Variants in LRRC4C observed in about 807,000 individuals in gnomAD.
LRRC4C encodes leucine-rich repeat-containing protein 4C.
A neutral mutation model predicts 33.6 loss-of-function variants in LRRC4C; 5 were observed. The observed-to-expected ratio is 0.15, with a 90% CI of 0.08 to 0.31. The LOEUF is 0.31. LRRC4C is among the 10% of genes least tolerant of loss of function. The pLI is 1.00. For synonymous variants in LRRC4C, 329 were observed against 302.0 expected, an observed-to-expected ratio of 1.09 and a Z score of -0.93; for missense variants, 560 against 796.7, an observed-to-expected ratio of 0.70 and a Z score of 3.58.
intron 3 of LRRC4C, among the ~76,000 whole-genome samples, chr11:40,399,932 A>G (rs1949697464): frequency 1.3e-5 from 2 of 152,100 alleles, no homozygotes; most frequent in Admixed American, 1.3e-4. Flanking sequence ...CAGAGCAAAG[A>G]CATTTTAGAT....
In LRRC4C at chr11:40,717,166, C is replaced by T. The variant is rs188862900; in HGVS notation, c.-406-68888G>A. On this transcript the variant is annotated intron_variant, in intron 2 of 6. Coordinates refer to ENST00000528697, the MANE Select transcript of LRRC4C (RefSeq NM_001258419.2). The stretch of plus-strand genomic sequence containing the variant: ...TCAGGCATGGGATATTTGGTGAGGG[C>T]AAATTCCGTTTATTTGTCTTTCTGA... Among the ~76,000 whole-genome samples the T allele has an allele frequency of 2.0e-3, 302 of 152,132 alleles. 2 individuals carry two copies. The highest frequency in any genetic ancestry group is 7.0e-3 in the African/African-American group (289 of 41,518).
chr11:40,369,729 T>G (rs1280290441), intron 3 of LRRC4C, among the ~76,000 whole-genome samples: 1 of 152,234 alleles, frequency 6.6e-6, no homozygotes, highest in Non-Finnish European at 1.5e-5. Flanking sequence ...TTTTGAAACA[T>G]GTATACATTG....
intron 1 of LRRC4C, among the ~76,000 whole-genome samples, chr11:41,054,409 G>T (rs956271714): frequency 6.6e-6 from 1 of 152,124 alleles, no homozygotes; most frequent in African/African-American, 2.4e-5. Flanking sequence ...TTCTGATAAG[G>T]GAATTCTCAG....
At chr11:40,285,639 T>C (rs1182951980) in intron 4 of LRRC4C, among the ~76,000 whole-genome samples, 1 of 152,178 alleles carries the variant, frequency 6.6e-6, no homozygotes, top group Non-Finnish European at 1.5e-5. Context: ...CTTAAGGGCA[T>C]ACTTGGAAAT....
At chr11:40,417,925 T>C (rs1950386815) in intron 3 of LRRC4C, among the ~76,000 whole-genome samples, 1 of 152,170 alleles carries the variant, frequency 6.6e-6, no homozygotes, top group Admixed American at 6.5e-5. Context: ...GCAGAGCCAA[T>C]GTTGTTGTAA....
chr11:40,788,311 TTCC>T (rs1337392724), intron 2 of LRRC4C, among the ~76,000 whole-genome samples: 1 of 152,138 alleles, frequency 6.6e-6, no homozygotes, highest in Non-Finnish European at 1.5e-5. Flanking sequence ...TTTTTTTTTC[TTCC>T]TCCTCCTTTC....
At chr11:40,980,575 A>G (rs1261130320) in intron 1 of LRRC4C, among the ~76,000 whole-genome samples, 3 of 152,192 alleles carry the variant, frequency 2.0e-5, no homozygotes, top group Non-Finnish European at 4.4e-5. Flanking sequence ...AAGACAAAAA[A>G]AAAGTCTAAG....
intron 2 of LRRC4C, among the ~76,000 whole-genome samples, chr11:40,845,383 C>T (rs1177825761): frequency 6.6e-6 from 1 of 152,168 alleles, no homozygotes; most frequent in Admixed American, 6.5e-5. Flanking sequence ...TCAACTCCCA[C>T]TTATGAGCGA....
At chr11:40,180,397 G>A (rs4564322) in intron 5 of LRRC4C, among the ~76,000 whole-genome samples, 50,499 of 152,076 alleles carry the variant, frequency 0.33, 8,628 homozygotes, top group South Asian at 0.47. Context: ...TGCATATTTT[G>A]CAAAACCCCT....
At chr11:41,266,377 TC>T (rs1222132043) in intron 1 of LRRC4C, among the ~76,000 whole-genome samples, 1 of 152,108 alleles carries the variant, frequency 6.6e-6, no homozygotes. Context: ...TGGCTTTCTT[TC>T]AGTTTGATAG....
intron 2 of LRRC4C, among the ~76,000 whole-genome samples, chr11:40,850,883 T>A (rs1953452546): frequency 6.6e-6 from 1 of 152,190 alleles, no homozygotes; most frequent in Admixed American, 6.5e-5. Flanking sequence ...GGAGCAGTGG[T>A]GGGCTCCGCC....
rs1366792404 is a variant in LRRC4C, at chr11:40,987,664, G to C, written c.-495-53941C>G. On this transcript the variant is annotated intron_variant, in intron 1 of 6. Transcript: ENST00000528697. ...ATATATATATATATCTCATATATAT[G>C]AGATATAAATGATATATATATATAT... 7.1e-3 allele frequency among the ~76,000 whole-genome samples: 459 copies of C among 64,730 alleles called. 12 individuals are homozygous for C. The highest frequency in any genetic ancestry group is 0.011 in the Non-Finnish European group (321 of 30,352). 42.5% of individuals were successfully genotyped at this position (64,730 alleles called of 152,430 possible).
chr11:41,423,018 T>A (rs1954924735), intron 1 of LRRC4C, among the ~76,000 whole-genome samples: 1 of 152,126 alleles, frequency 6.6e-6, no homozygotes, highest in Non-Finnish European at 1.5e-5. Context: ...TGCTAAATTC[T>A]AGAGATGCAA....
At chr11:41,365,381 AT>A (rs1952498856) in intron 1 of LRRC4C, among the ~76,000 whole-genome samples, 1 of 152,048 alleles carries the variant, frequency 6.6e-6, no homozygotes, top group Non-Finnish European at 1.5e-5. Flanking sequence ...GTTGCAAATT[AT>A]TTCATTATAT....
At chr11:40,634,499 G>A (rs866492570) in intron 3 of LRRC4C, among the ~76,000 whole-genome samples, 5 of 152,040 alleles carry the variant, frequency 3.3e-5, no homozygotes, top group South Asian at 2.1e-4. Flanking sequence ...AGCGTCACAC[G>A]TGCAGTAAAA....
intron 3 of LRRC4C, among the ~76,000 whole-genome samples, chr11:40,621,297 T>C (rs1447882820): frequency 6.6e-6 from 1 of 151,640 alleles, no homozygotes; most frequent in African/African-American, 2.4e-5. Context: ...GGACATAAAG[T>C]CTACTTGTTT....
chr11:40,212,659 C>T (rs1863689121), intron 5 of LRRC4C, among the ~76,000 whole-genome samples: 2 of 152,038 alleles, frequency 1.3e-5, no homozygotes, highest in South Asian at 4.1e-4. Context: ...AAGCTCTTTA[C>T]CTATATTAAA....
chr11:41,172,517 T>A (rs942952921), intron 1 of LRRC4C, among the ~76,000 whole-genome samples: 2 of 152,150 alleles, frequency 1.3e-5, no homozygotes, highest in African/African-American at 4.8e-5. Context: ...GCCTAGCACA[T>A]CTATCTTTGA....
chr11:40,704,794 C>A (rs144968421), intron 2 of LRRC4C, among the ~76,000 whole-genome samples: 8 of 152,182 alleles, frequency 5.3e-5, no homozygotes, highest in African/African-American at 1.9e-4. Flanking sequence ...TTAACAATAT[C>A]ATTTATAATA....
Sources: allele counts gnomAD v4.1 joint callset (sites outside exome capture counted in the v4.1 genomes callset), GRCh38; gene constraint gnomAD v4.1.1; transcripts MANE v1.5; gene names NCBI Gene and HGNC (gene_info 2026-07-23, HGNC 2026-07-21).